Variants in PCDHA13 observed in about 807,000 individuals in gnomAD.
The protein encoded by PCDHA13 is protocadherin alpha 13, also known as protocadherin alpha-13.
PCDHA13 carries 54 observed loss-of-function variants against 64.8 expected under a neutral mutation model. The ratio of observed to expected loss-of-function variants is 0.83; its 90% CI spans 0.67 to 1.04. PCDHA13 has a LOEUF of 1.04. Among genes scored for constraint, PCDHA13 ranks in the 50% least tolerant of loss-of-function variants. The probability of loss-of-function intolerance (pLI) is 0.00; values close to 1 mark genes in which losing one functional copy is unlikely to be tolerated. For missense variants in PCDHA13, 1,248 were observed against 1,254.3 expected (o/e 0.99, Z 0.08); for synonymous variants, 587 against 564.4 (o/e 1.04, Z -0.57).
intron 1 of PCDHA13, chr5:140,966,660 A>G: frequency 8.2e-7 from 1 of 1,217,300 alleles, no homozygotes; most frequent in Non-Finnish European, 1.1e-6. Context: ...GCGGTGGGGG[A>G]GCAGGCGCAG....
At chr5:141,009,602 T>G in intron 3 of PCDHA13, 25 bp from the exon 4 acceptor site, 1 of 1,608,136 alleles carries the variant, frequency 6.2e-7, no homozygotes, top group Non-Finnish European at 8.5e-7. Flanking sequence ...ACCCTGTTAA[T>G]GATTTGTAAT....
chr5:140,908,848 C>T (rs949816953), intron 1 of PCDHA13, among the ~76,000 whole-genome samples: 4 of 152,126 alleles, frequency 2.6e-5, no homozygotes, highest in East Asian at 3.9e-4. Context: ...GAGTAACATA[C>T]CCAAATGAGG....
intron 1 of PCDHA13, among the ~76,000 whole-genome samples, chr5:140,903,580 G>T (rs2070406453): frequency 6.6e-6 from 1 of 152,154 alleles, no homozygotes; most frequent in South Asian, 2.1e-4. Context: ...CTGTCTAGCT[G>T]GTGTTGGCCT....
rs995118768 is a variant in PCDHA13 at position 140,943,957 on chromosome 5, T to G, written c.2395-34992T>G. Among the ~76,000 whole-genome samples the G allele has an allele frequency of 2.6e-5, 4 of 152,224 alleles. No individual in the cohort carries two copies. The South Asian group carries it at 8.3e-4, about 32-fold the overall frequency. On this transcript the variant is annotated intron_variant, in intron 1 of 3. Coordinates refer to ENST00000289272, the MANE Select transcript of PCDHA13 (RefSeq NM_018904.3). ...TGTGGTTATAGGAGAAGCAGTGAAT[T>G]AAAGAGTTAAAGTAATTAAGAAAAC... is the stretch of plus-strand genomic sequence containing the variant.
At chr5:140,941,214 C>CTTTCTTTCTTTCTTTTT (rs1554214039) in intron 1 of PCDHA13, among the ~76,000 whole-genome samples, 1 of 122,414 alleles carries the variant, frequency 8.2e-6, no homozygotes, top group East Asian at 2.3e-4. Context: ...TTTCTTTCTT[C>CTTTCTTTCTTTCTTTTT]CTTTCTTTCT....
Position 140,884,046 on chromosome 5 carries a change from A to G in PCDHA13, c.1778A>G (p.Lys593Arg), listed in dbSNP as rs781965939. Residue 593 changes from lysine (K) to arginine (R), a missense_variant, in exon 1 of 4, where the codon AAG (lysine) becomes AGG (arginine). Transcript: ENST00000289272. ...GTGGGTGCAGGCCACGTGGTGGCGA[A>G]GGTGCGCGCGGTGGACGCCGATTCG... ...RSVGAGHVVA[K>R]VRAVDADSGY... is the part of the protein sequence containing the mutation. The G allele has an allele frequency of 3.7e-6, 6 of 1,613,474 alleles. No homozygotes were observed. The highest frequency in any genetic ancestry group is 5.1e-6 in the Non-Finnish European group (6 of 1,179,726).
intron 1 of PCDHA13, among the ~76,000 whole-genome samples, chr5:140,918,885 T>G (rs2078908612): frequency 6.6e-6 from 1 of 152,202 alleles, no homozygotes; most frequent in Non-Finnish European, 1.5e-5. Context: ...TCTAGAACAG[T>G]GAAAAATAAA....
Position 140,882,638 on chromosome 5 carries a change from A to G in PCDHA13, c.370A>G (p.Arg124Gly), listed in dbSNP as rs2059233239. The change falls in exon 1 of 4, where the codon AGG (arginine) becomes GGG (glycine). Residue 124 changes from arginine (R) to glycine (G), a missense_variant. Transcript: ENST00000289272. ...LQVFHVEVKV[R>G]DINDNPPIFP... is the part of the protein sequence containing the mutation. ...GGTTTTCCATGTGGAGGTGAAGGTGAGGGACATTAACGACAACCCGCCCAT... is the reference window on the plus strand; with the variant it reads ...GGTTTTCCATGTGGAGGTGAAGGTGGGGGACATTAACGACAACCCGCCCAT... The G allele has an allele frequency of 5.0e-6, 8 of 1,614,116 alleles. No individual in the cohort carries two copies. The highest frequency in any genetic ancestry group is 1.3e-5 in the African/African-American group (1 of 74,944).
rs199624636 is a variant in PCDHA13, at chr5:141,009,721, C to T, written c.2637C>T (p.Ser879=). The change falls in exon 4 of 4, where the codon TCC becomes TCT. Residue 879 remains serine (S), a synonymous_variant. Coordinates refer to ENST00000289272, the MANE Select transcript of PCDHA13 (RefSeq NM_018904.3). ...FKYGPGNPKQ[S]GPGELPDKFI... ...ACGGACCAGGCAACCCCAAACAATCCGGTCCCGGTGAGTTGCCCGACAAAT... is the reference window on the plus strand; with the variant it reads ...ACGGACCAGGCAACCCCAAACAATCTGGTCCCGGTGAGTTGCCCGACAAAT... 1.3e-5 allele frequency: 21 copies of T among 1,614,012 alleles called. No individual in the cohort carries two copies. The highest frequency in any genetic ancestry group is 1.7e-5 in the Non-Finnish European group (20 of 1,180,038).
chr5:140,911,378 C>T lies in PCDHA13; in HGVS notation c.2394+26716C>T, dbSNP rs184939316. On this transcript the variant is annotated intron_variant, in intron 1 of 3. Transcript: ENST00000289272. ...ACAGTAGACACCTGGCAAGGCTGTG[C>T]ATGCACCTTTCATTGCAGGTCAGCC... Among the ~76,000 whole-genome samples the T allele has an allele frequency of 8.0e-3, 1,215 of 152,282 alleles. 6 individuals carry two copies. The highest frequency in any genetic ancestry group is 0.019 in the African/African-American group (783 of 41,542).
chr5:141,003,654 A>G (rs1451170896), intron 3 of PCDHA13, among the ~76,000 whole-genome samples: 1 of 152,212 alleles, frequency 6.6e-6, no homozygotes, highest in Non-Finnish European at 1.5e-5. Flanking sequence ...ATCTGTATGC[A>G]TTTATTAAAA....
intron 1 of PCDHA13, among the ~76,000 whole-genome samples, chr5:140,934,913 G>A (rs1226804104): frequency 1.3e-5 from 2 of 152,062 alleles, no homozygotes; most frequent in African/African-American, 4.8e-5. Flanking sequence ...GAATAATTAT[G>A]GATTCACATA....
intron 3 of PCDHA13, chr5:140,989,029 T>C (rs1179991724): frequency 6.6e-6 from 1 of 152,170 alleles, no homozygotes. Context: ...TCAGTTATCA[T>C]TGATTCCTTT....
intron 3 of PCDHA13, among the ~76,000 whole-genome samples, chr5:140,992,478 A>T (rs2097514142): frequency 6.6e-6 from 1 of 152,210 alleles, no homozygotes; most frequent in African/African-American, 2.4e-5. Flanking sequence ...TAGATCACCC[A>T]GAGGCCAATC....
intron 1 of PCDHA13, among the ~76,000 whole-genome samples, chr5:140,941,274 C>T (rs1267060320): frequency 2.7e-3 from 120 of 44,772 alleles, no homozygotes; most frequent in African/African-American, 7.9e-3. Flanking sequence ...TCTTTCTTTC[C>T]TTCCTTCCTT....
chr5:140,980,091 T>A (rs2096876102), intron 2 of PCDHA13, among the ~76,000 whole-genome samples: 1 of 152,218 alleles, frequency 6.6e-6, no homozygotes, highest in Non-Finnish European at 1.5e-5. Flanking sequence ...GTAGTTGGCT[T>A]GGTAAGATGT....
At chr5:140,907,847 C>T (rs1332235262) in intron 1 of PCDHA13, among the ~76,000 whole-genome samples, 15 of 152,232 alleles carry the variant, frequency 9.9e-5, no homozygotes, top group African/African-American at 3.6e-4. Flanking sequence ...TAAAATCCTC[C>T]TCTGCTGAGG....
At chr5:140,978,716 T>C (rs1317618418) in intron 1 of PCDHA13, among the ~76,000 whole-genome samples, 2 of 152,252 alleles carry the variant, frequency 1.3e-5, no homozygotes, top group African/African-American at 4.8e-5. Flanking sequence ...CTTTACAAGA[T>C]TATTAAATCT....
intron 1 of PCDHA13, among the ~76,000 whole-genome samples, chr5:140,896,645 A>G (rs988054711): frequency 1.3e-5 from 2 of 151,728 alleles, no homozygotes; most frequent in African/African-American, 4.8e-5. Context: ...CCAAAGTGCT[A>G]GTATTACAGG....
Sources: allele counts gnomAD v4.1 joint callset (sites outside exome capture counted in the v4.1 genomes callset), GRCh38; gene constraint gnomAD v4.1.1; transcripts MANE v1.5; gene names NCBI Gene and HGNC (gene_info 2026-07-23, HGNC 2026-07-21).